VPS26C: variants seen among roughly 807,000 people sequenced by gnomAD.
VPS26C encodes the protein VPS26 endosomal protein sorting factor C, also known as vacuolar protein sorting-associated protein 26C.
Under a neutral mutation model 30.6 loss-of-function variants are expected in VPS26C, and 19 were observed. The ratio of observed to expected loss-of-function variants is 0.62; its 90% CI spans 0.43 to 0.91. The LOEUF (loss-of-function observed/expected upper bound fraction) is 0.91, where lower values mean the gene tolerates loss of function less well. Among genes scored for constraint, VPS26C ranks in the 40% least tolerant of loss-of-function variants. The pLI is 0.00. For missense variants in VPS26C, 318 were observed against 385.1 expected (o/e 0.83, Z 1.46); for synonymous variants, 132 against 151.5 (o/e 0.87, Z 0.95).
chr21:37,267,656 C>G (rs2086384273), upstream of VPS26C: 1 of 291,658 alleles, frequency 3.4e-6, no homozygotes, highest in Non-Finnish European at 6.5e-6. Flanking sequence ...GCTCTCCCCG[C>G]GTGCCCCGCG....
At chr21:37,239,725 T>C (rs998597301) in intron 2 of VPS26C, among the ~76,000 whole-genome samples, 1 of 151,882 alleles carries the variant, frequency 6.6e-6, no homozygotes, top group African/African-American at 2.4e-5. Flanking sequence ...TGCCTCAGCC[T>C]CCCAAGTAGC....
Position 37,233,344 on chromosome 21 carries a change from T to G in VPS26C, c.432+18A>C. 7.5e-6 allele frequency: 12 copies of G among 1,608,260 alleles called. No homozygotes were observed. The highest frequency in any genetic ancestry group is 1.0e-5 in the Non-Finnish European group (12 of 1,174,964). The stretch of plus-strand genomic sequence containing the variant: ...AGATTCCTATCATTAAGCACCAGAG[T>G]CCCCGAGTGAAGCTTACAGCGGAGT... On this transcript the variant is annotated intron_variant, in intron 4 of 7. Transcript: ENST00000309117. This position sits in a 1 kb window ranked among gnomAD's most constrained non-coding sequence, Gnocchi z 5.2.
chr21:37,236,082 G>T (rs981112620), intron 3 of VPS26C, among the ~76,000 whole-genome samples: 2 of 151,834 alleles, frequency 1.3e-5, no homozygotes, highest in Non-Finnish European at 2.9e-5. Flanking sequence ...GTTTTAGATT[G>T]TTACAACACA....
At position 37,233,312 on chromosome 21, in the gene VPS26C, C is replaced by A. The variant is rs781213896; in HGVS notation, c.432+50G>T. ...TGTAAATAGGGTAAACTCTCAGACC[C>A]CATGGGAGATTCCTATCATTAAGCA... On this transcript the variant is annotated intron_variant, in intron 4 of 7. Coordinates refer to ENST00000309117, the MANE Select transcript of VPS26C (RefSeq NM_006052.2). This position sits in a 1 kb window ranked among gnomAD's most constrained non-coding sequence, Gnocchi z 5.2. The A allele has an allele frequency of 6.7e-7, 1 of 1,490,736 alleles. No homozygotes were observed. The highest frequency in any genetic ancestry group is 9.4e-7 in the Non-Finnish European group (1 of 1,067,668). 92.3% of individuals were successfully genotyped at this position (1,490,736 alleles called of 1,614,324 possible).
intron 1 of VPS26C, among the ~76,000 whole-genome samples, chr21:37,251,274 T>C (rs897448254): frequency 2.0e-5 from 3 of 152,224 alleles, no homozygotes; most frequent in Non-Finnish European, 2.9e-5. Context: ...CAACACTGTT[T>C]GTAAATAACA....
chr21:37,234,620 G>A (rs993836971), intron 3 of VPS26C, among the ~76,000 whole-genome samples: 3 of 152,036 alleles, frequency 2.0e-5, no homozygotes, highest in African/African-American at 4.8e-5. Flanking sequence ...TGTTTTAATC[G>A]TCCAGGAAAA....
At chr21:37,260,698 T>A (rs2086295128) in intron 1 of VPS26C, among the ~76,000 whole-genome samples, 1 of 152,174 alleles carries the variant, frequency 6.6e-6, no homozygotes, top group African/African-American at 2.4e-5. Flanking sequence ...TATATTCCAT[T>A]CCTGAATCAG....
chr21:37,267,004 G>A, intron 1 of VPS26C: 2 of 569,828 alleles, frequency 3.5e-6, no homozygotes, highest in East Asian at 6.6e-5. Flanking sequence ...TGCACGTCCC[G>A]CAGATGCGGC....
rs536820253 is a variant in VPS26C, at chr21:37,244,998, G to C, written c.58-4359C>G. Among the ~76,000 whole-genome samples the C allele has an allele frequency of 4.6e-5, 7 of 152,342 alleles. No homozygotes were observed. In the South Asian group the frequency reaches 1.4e-3, roughly 32 times the overall value. ...TGCAAACGCCCTGCAGCTGGTTACT[G>C]CATGGGCTCATGCAAAGTCAAGATG... On this transcript the variant is annotated intron_variant, in intron 1 of 7. Coordinates refer to ENST00000309117, the MANE Select transcript of VPS26C (RefSeq NM_006052.2).
intron 1 of VPS26C, among the ~76,000 whole-genome samples, chr21:37,247,976 G>C (rs2148298272): frequency 6.6e-6 from 1 of 152,226 alleles, no homozygotes; most frequent in East Asian, 1.9e-4. Flanking sequence ...TTTGAGACCA[G>C]CCTAGGCAGC....
At chr21:37,266,063 GT>G (rs2086357941) in intron 1 of VPS26C, among the ~76,000 whole-genome samples, 2 of 151,792 alleles carry the variant, frequency 1.3e-5, no homozygotes, top group African/African-American at 4.8e-5. Context: ...GATTAGAGGC[GT>G]CCGCCACCAC....
At chr21:37,246,268 G>T (rs1171287619) in intron 1 of VPS26C, among the ~76,000 whole-genome samples, 2 of 152,016 alleles carry the variant, frequency 1.3e-5, no homozygotes, top group African/African-American at 2.4e-5. Context: ...AAGAGGAAAA[G>T]AAACCATATT....
intron 1 of VPS26C, among the ~76,000 whole-genome samples, chr21:37,241,317 C>T (rs527796260): frequency 6.6e-6 from 1 of 152,182 alleles, no homozygotes; most frequent in East Asian, 1.9e-4. Flanking sequence ...GACTTCACAA[C>T]AGATCATCTG....
intron 7 of VPS26C, 48 bp from the exon 8 acceptor site, chr21:37,225,674 C>T (rs771629277): frequency 4.1e-6 from 6 of 1,474,226 alleles, no homozygotes; most frequent in South Asian, 2.3e-5. Context: ...TACCAAGCAG[C>T]GAAACCACAC....
chr21:37,254,819 T>C (rs928298406), intron 1 of VPS26C, among the ~76,000 whole-genome samples: 2 of 128,608 alleles, frequency 1.6e-5, no homozygotes, highest in African/African-American at 8.1e-5. Flanking sequence ...AAAAAATAAA[T>C]AAAAGAAAAG....
upstream of VPS26C, chr21:37,267,382 C>G: frequency 8.3e-7 from 1 of 1,210,554 alleles, no homozygotes; most frequent in East Asian, 2.3e-5. Flanking sequence ...CTGGGCCCCG[C>G]CCCTTTCCCT....
chr21:37,267,147 G>A (rs1293807086), intron 1 of VPS26C, 91 bp downstream of exon 1: 1 of 1,189,766 alleles, frequency 8.4e-7, no homozygotes, highest in Non-Finnish European at 1.2e-6. Flanking sequence ...GCCCCGCCTA[G>A]GGACGCGGGA....
chr21:37,255,515 C>T (rs2086233148), intron 1 of VPS26C, among the ~76,000 whole-genome samples: 1 of 152,156 alleles, frequency 6.6e-6, no homozygotes. Context: ...GCAGGTGTAA[C>T]CCTCACAGCT....
At chr21:37,242,724 GTTCC>G (rs1038004756) in intron 1 of VPS26C, among the ~76,000 whole-genome samples, 1 of 152,318 alleles carries the variant, frequency 6.6e-6, no homozygotes, top group Non-Finnish European at 1.5e-5. Context: ...GGATGGTCCC[GTTCC>G]TATGCAGTCA....
Sources: allele counts gnomAD v4.1 joint callset (sites outside exome capture counted in the v4.1 genomes callset), GRCh38; gene constraint gnomAD v4.1.1; non-coding constraint Gnocchi (gnomAD v3.1); transcripts MANE v1.5; gene names NCBI Gene and HGNC (gene_info 2026-07-23, HGNC 2026-07-21).